SETD4: variants seen among roughly 807,000 people sequenced by gnomAD.
SETD4 encodes the protein SET domain-containing protein 4.
Under a neutral mutation model 58.3 loss-of-function variants are expected in SETD4, and 46 were observed. The ratio of observed to expected loss-of-function variants is 0.79; its 90% CI spans 0.62 to 1.01. The LOEUF is 1.01. SETD4 is among the 50% of genes least tolerant of loss of function. The probability of loss-of-function intolerance (pLI) is 0.00; values close to 1 mark genes in which losing one functional copy is unlikely to be tolerated. For synonymous variants in SETD4, 190 were observed against 202.6 expected (o/e 0.94, Z 0.53); for missense variants, 490 against 523.3 (o/e 0.94, Z 0.62).
At chr21:36,052,112 ACTT>A (rs1454942253) in intron 4 of SETD4, among the ~76,000 whole-genome samples, 1 of 152,166 alleles carries the variant, frequency 6.6e-6, no homozygotes, top group Non-Finnish European at 1.5e-5. Context: ...TATATATTGG[ACTT>A]CTTGTGTTTG....
chr21:36,052,280 C>T (rs2064737863), intron 4 of SETD4, among the ~76,000 whole-genome samples: 1 of 151,824 alleles, frequency 6.6e-6, no homozygotes, highest in African/African-American at 2.4e-5. Context: ...GGCATAGTGC[C>T]TCATGCTTGT....
chr21:36,050,954 G>A lies in SETD4; in HGVS notation c.208-2558C>T, dbSNP rs2064649339. ...TGTGTTCATTGAGTGAACAAGGGAA[G>A]CAGCTAGCTATCCAGGTGTCTAATA... On this transcript the variant is annotated intron_variant, in intron 4 of 11. Transcript: ENST00000332131. 3 of 1,609,442 alleles carry A rather than the reference G, an allele frequency of 1.9e-6. No individual in the cohort carries two copies. The East Asian group carries it at 6.7e-5, about 36-fold the overall frequency.
At chr21:36,059,150 A>G (rs566343446) in intron 1 of SETD4, 15 of 366,164 alleles carry the variant, frequency 4.1e-5, no homozygotes, top group African/African-American at 1.3e-4. Context: ...AATTCCCATT[A>G]TATCAGTCCC....
intron 7 of SETD4, chr21:36,043,540 C>A: frequency 7.5e-7 from 1 of 1,330,688 alleles, no homozygotes; most frequent in Non-Finnish European, 9.6e-7. Context: ...CCTTTTCTTC[C>A]ATTCTATCTT....
chr21:36,050,670 G>T, intron 4 of SETD4: 4 of 1,598,526 alleles, frequency 2.5e-6, no homozygotes, highest in Non-Finnish European at 2.6e-6. Context: ...TCAAGTACCG[G>T]AGTTCCCAAT....
At chr21:36,056,413 A>C (rs2064982288) in intron 3 of SETD4, among the ~76,000 whole-genome samples, 1 of 152,278 alleles carries the variant, frequency 6.6e-6, no homozygotes, top group Admixed American at 6.5e-5. Context: ...AGCAGACTCC[A>C]AATCCTTTTA....
At chr21:36,051,137 A>G (rs1009177685) in intron 4 of SETD4, 74 of 1,487,962 alleles carry the variant, frequency 5.0e-5, no homozygotes, top group Non-Finnish European at 6.8e-5. Flanking sequence ...CCTCCCTTCT[A>G]CCCTCTGGCC....
At chr21:36,047,318 G>A (rs532868987) in intron 5 of SETD4, among the ~76,000 whole-genome samples, 34 of 152,220 alleles carry the variant, frequency 2.2e-4, no homozygotes, top group African/African-American at 7.2e-4. Flanking sequence ...CTTCCACTGC[G>A]GGTCGCTCTC....
intron 7 of SETD4, chr21:36,043,553 G>C: frequency 2.2e-6 from 3 of 1,366,702 alleles, no homozygotes; most frequent in Non-Finnish European, 2.8e-6. Flanking sequence ...TCTATCTTCT[G>C]ACCCAATGCA....
intron 4 of SETD4, 68 bp from the exon 5 acceptor site, chr21:36,048,464 C>CA: frequency 7.0e-7 from 1 of 1,425,134 alleles, no homozygotes; most frequent in Non-Finnish European, 9.9e-7. Context: ...ATGAGTCTTA[C>CA]AAAGTCGTTG....
At chr21:36,036,410 T>C (rs184146422) in intron 10 of SETD4, 159 bp from the exon 11 acceptor site, 51 of 378,670 alleles carry the variant, frequency 1.3e-4, no homozygotes, top group Non-Finnish European at 1.8e-4. Context: ...TCCAGAACTT[T>C]TTCTATCACC....
At chr21:36,058,146 A>C (rs1341169191) in intron 2 of SETD4, among the ~76,000 whole-genome samples, 2 of 152,250 alleles carry the variant, frequency 1.3e-5, no homozygotes, top group African/African-American at 4.8e-5. Flanking sequence ...TTATCTTCAC[A>C]TTCCCACCAG....
intron 4 of SETD4, chr21:36,051,397 A>G: frequency 2.7e-6 from 4 of 1,481,116 alleles, no homozygotes; most frequent in South Asian, 1.4e-5. Context: ...TAATTAACCA[A>G]CAAAACCCTT....
intron 9 of SETD4, among the ~76,000 whole-genome samples, chr21:36,040,000 T>G (rs539072709): frequency 6.6e-6 from 1 of 152,342 alleles, no homozygotes; most frequent in African/African-American, 2.4e-5. Context: ...TGCCAGGGAC[T>G]CAGGCTGAAG....
chr21:36,041,091 C>G lies in SETD4; in HGVS notation c.984-436G>C, dbSNP rs568706679. 3.1e-5 allele frequency among the ~76,000 whole-genome samples: 4 copies of G among 130,196 alleles called. No homozygotes were observed. In the South Asian group the frequency reaches 9.9e-4, roughly 32 times the overall value. The allele number at this position is 130,196 out of a possible 152,430, so 85.4% of individuals were successfully genotyped here. ...AGGAGAATGGCGTGAACCCGGGAGG[C>G]AGAGCTTGCAGTGAGCTGAGATTGC... On this transcript the variant is annotated intron_variant, in intron 8 of 11. Coordinates refer to ENST00000332131, the MANE Select transcript of SETD4 (RefSeq NM_017438.5).
chr21:36,044,469 T>C lies in SETD4; in HGVS notation c.727-513A>G, dbSNP rs559554229. Reference sequence around the variant, plus strand: ...TACAGTAAACTATAAACTCATTGGTTTGGCACATAAATGCACCAAAAGTCC... The same window carrying C: ...TACAGTAAACTATAAACTCATTGGTCTGGCACATAAATGCACCAAAAGTCC... On this transcript the variant is annotated intron_variant, in intron 6 of 11. Coordinates refer to ENST00000332131, the MANE Select transcript of SETD4 (RefSeq NM_017438.5). Among the ~76,000 whole-genome samples, 9 of 152,242 alleles carry C rather than the reference T, an allele frequency of 5.9e-5. No individual in the cohort carries two copies. In the South Asian group the frequency reaches 1.7e-3, roughly 28 times the overall value.
intron 10 of SETD4, 107 bp downstream of exon 10, chr21:36,038,043 C>T (rs947814159): frequency 1.6e-6 from 2 of 1,218,542 alleles, no homozygotes; most frequent in Non-Finnish European, 2.3e-6. Context: ...TTATTTAAGG[C>T]ACTAAACAAT....
At chr21:36,039,931 C>A (rs2123532211) in intron 9 of SETD4, among the ~76,000 whole-genome samples, 1 of 152,376 alleles carries the variant, frequency 6.6e-6, no homozygotes, top group Non-Finnish European at 1.5e-5. Flanking sequence ...ACAGCCTGCA[C>A]CATCTTCAAG....
At chr21:36,038,955 G>C (rs2063912657) in intron 9 of SETD4, among the ~76,000 whole-genome samples, 1 of 152,086 alleles carries the variant, frequency 6.6e-6, no homozygotes, top group Admixed American at 6.6e-5. Context: ...AAAGACGACG[G>C]AGGACCGGAT....
Sources: allele counts gnomAD v4.1 joint callset (sites outside exome capture counted in the v4.1 genomes callset), GRCh38; gene constraint gnomAD v4.1.1; transcripts MANE v1.5; gene names NCBI Gene and HGNC (gene_info 2026-07-23, HGNC 2026-07-21).